The following MBTD1 variants were observed in gnomAD, a reference collection of about 807,000 sequenced individuals.
The protein encoded by MBTD1 is mbt domain containing 1.
A neutral mutation model predicts 87.8 loss-of-function variants in MBTD1; 24 were observed. The ratio of observed to expected loss-of-function variants is 0.27; its 90% CI spans 0.20 to 0.38. MBTD1 has a LOEUF of 0.38. MBTD1 is among the 10% of genes least tolerant of loss of function. The probability of loss-of-function intolerance (pLI) is 1.00; values close to 1 mark genes in which losing one functional copy is unlikely to be tolerated. For missense variants in MBTD1, 436 were observed against 760.2 expected (o/e 0.57, Z 5.02); for synonymous variants, 237 against 248.6 (o/e 0.95, Z 0.44).
At chr17:51,204,424 AACAT>A (rs1433945757) in intron 7 of MBTD1, among the ~76,000 whole-genome samples, 2 of 142,622 alleles carry the variant, frequency 1.4e-5, no homozygotes, top group African/African-American at 5.2e-5. Flanking sequence ...TTATACATAT[AACAT>A]ACATATTTAT....
intron 2 of MBTD1, chr17:51,256,753 C>G (rs1327730064): frequency 6.6e-6 from 1 of 152,144 alleles, no homozygotes; most frequent in African/African-American, 2.4e-5. Context: ...CGTAACTGGA[C>G]AGCAAAGATA....
intron 16 of MBTD1, among the ~76,000 whole-genome samples, chr17:51,190,382 C>A (rs948026709): frequency 6.6e-6 from 1 of 151,928 alleles, no homozygotes; most frequent in Admixed American, 6.6e-5. Flanking sequence ...GGATTAATTA[C>A]AGGCATGAGC....
rs1417011647 is a variant in MBTD1, at chr17:51,220,372, G to A, written c.246C>T (p.Tyr82=). 6.4e-7 allele frequency: 1 copy of A among 1,550,708 alleles called. No homozygotes were observed. The highest frequency in any genetic ancestry group is 8.7e-7 in the Non-Finnish European group (1 of 1,146,264). ...TGCTTGCCTTCTTGGAGTTTGACGA[G>A]TAACTTCTTGAACATGAAACGCTAC... The part of the protein sequence containing the change: ...RFCSVSCSRS[Y]SSNSKKASIL... The change falls in exon 4 of 17, where the codon TAC becomes TAT. Residue 82 remains tyrosine (Y), a synonymous_variant. Transcript: ENST00000586178.
chr17:51,192,766 C>T lies in MBTD1; in HGVS notation c.1690+16G>A, dbSNP rs370045717. 19 of 1,612,580 alleles carry T rather than the reference C, an allele frequency of 1.2e-5. No individual in the cohort carries two copies. Among genetic ancestry groups the T allele is most frequent in the East Asian group, 2.2e-5 (1 of 44,840 alleles). Reference sequence around the variant, plus strand: ...TGATTTTTACAAAAGGACACCTTTTCTGTATACCAACTTACACTGTGATGC... The same window carrying T: ...TGATTTTTACAAAAGGACACCTTTTTTGTATACCAACTTACACTGTGATGC... On this transcript the variant is annotated intron_variant, in intron 15 of 16. Coordinates refer to ENST00000586178, the MANE Select transcript of MBTD1 (RefSeq NM_017643.3).
chr17:51,245,246 A>C (rs766622409), intron 2 of MBTD1, among the ~76,000 whole-genome samples: 9 of 152,022 alleles, frequency 5.9e-5, no homozygotes, highest in Non-Finnish European at 1.3e-4. Flanking sequence ...TTATGTGCCT[A>C]CTTTTTTTCT....
At chr17:51,203,721 T>C (rs2051631815) in intron 8 of MBTD1, 70 bp downstream of exon 8, 2 of 1,491,286 alleles carry the variant, frequency 1.3e-6, no homozygotes, top group East Asian at 2.3e-5. Flanking sequence ...TACTCTAACA[T>C]TACTATGTGT....
intron 3 of MBTD1, among the ~76,000 whole-genome samples, chr17:51,223,612 G>T (rs2143679423): frequency 6.6e-6 from 1 of 152,224 alleles, no homozygotes. Flanking sequence ...GAGGCAGGCA[G>T]ATTGCTTAAG....
intron 2 of MBTD1, among the ~76,000 whole-genome samples, chr17:51,243,357 T>C (rs1332499639): frequency 6.6e-6 from 1 of 151,918 alleles, no homozygotes; most frequent in Non-Finnish European, 1.5e-5. Context: ...AGAAGAATAA[T>C]ACAATGAAGT....
chr17:51,229,987 T>C (rs992775938), intron 2 of MBTD1, among the ~76,000 whole-genome samples: 1 of 152,170 alleles, frequency 6.6e-6, no homozygotes, highest in Admixed American at 6.5e-5. Flanking sequence ...GCCTTTTAGA[T>C]ACAATTTTAA....
intron 12 of MBTD1, among the ~76,000 whole-genome samples, chr17:51,199,169 G>A (rs1234083538): frequency 1.3e-5 from 2 of 152,098 alleles, no homozygotes; most frequent in Admixed American, 6.5e-5. Flanking sequence ...CACAATCTCA[G>A]CTCACTGCAA....
At chr17:51,251,074 C>T (rs569733768) in intron 2 of MBTD1, 1 of 152,238 alleles carries the variant, frequency 6.6e-6, no homozygotes, top group African/African-American at 2.4e-5. Context: ...AATCTCCAAA[C>T]ATTGGTTTGA....
intron 2 of MBTD1, among the ~76,000 whole-genome samples, chr17:51,247,355 AAT>A (rs2054500861): frequency 6.6e-6 from 1 of 152,190 alleles, no homozygotes; most frequent in Admixed American, 6.5e-5. Flanking sequence ...ACTGCACAGT[AAT>A]AGTTTTTCAT....
At chr17:51,231,930 A>G (rs1466507925) in intron 2 of MBTD1, among the ~76,000 whole-genome samples, 4 of 151,854 alleles carry the variant, frequency 2.6e-5, no homozygotes, top group African/African-American at 9.7e-5. Context: ...ACTATAATTG[A>G]TTTATCCTAT....
intron 2 of MBTD1, among the ~76,000 whole-genome samples, chr17:51,248,727 T>C (rs868009142): frequency 2.0e-5 from 3 of 152,238 alleles, no homozygotes; most frequent in African/African-American, 7.2e-5. Context: ...GTAATACTCG[T>C]CAATGTATCA....
intron 2 of MBTD1, among the ~76,000 whole-genome samples, chr17:51,232,302 C>G (rs951440444): frequency 1.3e-5 from 2 of 152,076 alleles, no homozygotes; most frequent in African/African-American, 4.8e-5. Flanking sequence ...ACCATTCAGG[C>G]CTTTCAGCAT....
Position 51,177,849 on chromosome 17 carries a change from A to AT in MBTD1, c.*2726dup, listed in dbSNP as rs1168381894. The AT allele has an allele frequency of 6.6e-6, 1 of 152,172 alleles. No homozygotes were observed. Among genetic ancestry groups the AT allele is most frequent in the Non-Finnish European group, 1.5e-5 (1 of 68,024 alleles). 9.4% of individuals were successfully genotyped at this position (152,172 alleles called of 1,614,324 possible). A position where few individuals can be genotyped will look rare whatever the true frequency, so the allele number is the denominator to read the frequency against. On this transcript the variant is annotated 3_prime_UTR_variant, in exon 17 of 17. Coordinates refer to ENST00000586178, the MANE Select transcript of MBTD1 (RefSeq NM_017643.3). ...GGAAGAAACCCAGTTTAATCACAGT[A>AT]TTTTTAAAATCCCTTCCCAATATTA...
chr17:51,214,774 CAA>C (rs1177186782), intron 6 of MBTD1, among the ~76,000 whole-genome samples: 2 of 152,060 alleles, frequency 1.3e-5, no homozygotes, highest in African/African-American at 4.8e-5. Context: ...GAGTCTGGAA[CAA>C]AGAGGCCTTC....
At chr17:51,228,419 A>G (rs1348020654) in intron 2 of MBTD1, among the ~76,000 whole-genome samples, 5 of 152,172 alleles carry the variant, frequency 3.3e-5, no homozygotes, top group African/African-American at 4.8e-5. Context: ...AGAAAGATAC[A>G]AAGAAGTTAT....
Position 51,179,510 on chromosome 17 carries a change from A to ATATATATATATTTT in MBTD1, c.*1065_*1066insAAAATATATATATA, listed in dbSNP as rs2050221577. The ATATATATATATTTT allele has an allele frequency of 1.0e-5, 1 of 95,736 alleles. No homozygotes were observed. The highest frequency in any genetic ancestry group is 1.1e-4 in the Admixed American group (1 of 9,232). 5.9% of individuals were successfully genotyped at this position (95,736 alleles called of 1,614,324 possible). A position where few individuals can be genotyped will look rare whatever the true frequency, so the allele number is the denominator to read the frequency against. On this transcript the variant is annotated 3_prime_UTR_variant, in exon 17 of 17. Transcript: ENST00000586178. ...TATATATATATATATATATATATAT[A>ATATATATATATTTT]TATATATATATATATATATATATAT...
Sources: allele counts gnomAD v4.1 joint callset (sites outside exome capture counted in the v4.1 genomes callset), GRCh38; gene constraint gnomAD v4.1.1; transcripts MANE v1.5; gene names NCBI Gene and HGNC (gene_info 2026-07-23, HGNC 2026-07-21).